The following HGFAC variants were observed in gnomAD, a reference collection of about 807,000 sequenced individuals.
HGFAC encodes the protein HGF activator, also known as hepatocyte growth factor activator serine protease.
In HGFAC, 76 loss-of-function variants were observed where a neutral mutation model predicts 70.6. The ratio of observed to expected loss-of-function variants is 1.08; its 90% CI spans 0.89 to 1.30. The LOEUF (loss-of-function observed/expected upper bound fraction) is 1.30. Ranked by LOEUF, HGFAC falls within the 50% of genes most tolerant of loss-of-function variation. HGFAC has a pLI of 0.00. For missense variants in HGFAC, 1,044 were observed against 933.7 expected (o/e 1.12, Z -1.54); for synonymous variants, 464 against 405.3 (o/e 1.14, Z -1.74).
rs1310058792 is a variant in HGFAC at position 3,443,158 on chromosome 4, C to T, written c.395+12C>T. 5 of 1,504,860 alleles carry T rather than the reference C, an allele frequency of 3.3e-6. No homozygotes were observed. The African/African-American group carries it at 5.6e-5, about 17-fold the overall frequency. 93.2% of individuals were successfully genotyped at this position (1,504,860 alleles called of 1,614,324 possible). A position where few individuals can be genotyped will look rare whatever the true frequency, so the allele number is the denominator to read the frequency against. On this transcript the variant is annotated intron_variant, in intron 3 of 13. Transcript: ENST00000382774. ...GCACACAGGAAGTGGTGGGTCCGGG[C>T]AGCCGGGGCACCCGAGCTGGGGTCA... is the stretch of plus-strand genomic sequence containing the variant.
rs748845985 is a variant in HGFAC, at chr4:3,449,420, C to T, written c.*1C>T. The T allele has an allele frequency of 1.9e-6, 3 of 1,539,160 alleles. No homozygotes were observed. Among genetic ancestry groups the T allele is most frequent in the Non-Finnish European group, 1.8e-6 (2 of 1,140,308 alleles). On this transcript the variant is annotated 3_prime_UTR_variant, in exon 14 of 14. Transcript: ENST00000382774. ...CAGGCGGCTTGTGGCTCCCTCCTGA[C>T]CCTCCAGCGGGACACCCTGGTTCCC... is the stretch of plus-strand genomic sequence containing the variant.
upstream of HGFAC, chr4:3,441,925 T>A (rs1018011968): frequency 1.4e-5 from 11 of 808,028 alleles, no homozygotes; most frequent in African/African-American, 1.8e-4. This position sits in a 1 kb window ranked among gnomAD's most constrained non-coding sequence, Gnocchi z 6.0. Context: ...GTTAATCATT[T>A]CCACGAAGCC....
At position 3,447,904 on chromosome 4, in the gene HGFAC, G is replaced by A. The variant is rs771906305; in HGVS notation, c.1505G>A (p.Arg502Gln). 1.9e-5 allele frequency: 31 copies of A among 1,611,156 alleles called. No individual in the cohort carries two copies. Among genetic ancestry groups the A allele is most frequent in the South Asian group, 5.5e-5 (5 of 90,754 alleles). Residue 502 changes from arginine to glutamine, a missense_variant, in exon 12 of 14, where the codon CGG (arginine) becomes CAG (glutamine). By Grantham distance (43) the Arg-to-Gln change is conservative (BLOSUM62 1). Transcript: ENST00000382774. Reference protein sequence around the residue: ...NPSDHDLVLIRLKKKGDRCAT... With the variant: ...NPSDHDLVLIQLKKKGDRCAT... ...CCACTCTTCTGATCAGTCCTGATCCGGCTGAAGAAGAAAGGGGACCGCTGT... is the reference window on the plus strand; with the variant it reads ...CCACTCTTCTGATCAGTCCTGATCCAGCTGAAGAAGAAAGGGGACCGCTGT...
In HGFAC at chr4:3,444,534, A is replaced by G. The variant is rs1577124686; in HGVS notation, c.731-89A>G. 14 of 1,502,562 alleles carry G rather than the reference A, an allele frequency of 9.3e-6. No homozygotes were observed. The East Asian group carries it at 1.9e-4, about 20-fold the overall frequency. 93.1% of individuals were successfully genotyped at this position (1,502,562 alleles called of 1,614,324 possible). A position where few individuals can be genotyped will look rare whatever the true frequency, so the allele number is the denominator to read the frequency against. ...AGGAATGGCCTGAGGTCACCCAGAAACAAGGGACAAGGGGTGGACCCCGGC... is the reference window on the plus strand; with the variant it reads ...AGGAATGGCCTGAGGTCACCCAGAAGCAAGGGACAAGGGGTGGACCCCGGC... On this transcript the variant is annotated intron_variant, in intron 6 of 13. Transcript: ENST00000382774.
upstream of HGFAC, among the ~76,000 whole-genome samples, chr4:3,441,475 G>A (rs981128193): frequency 4.6e-5 from 7 of 152,172 alleles, no homozygotes; most frequent in Admixed American, 3.9e-4. The surrounding 1 kb of genome is among the most constrained non-coding windows in gnomAD (Gnocchi z 6.0). Flanking sequence ...GCCACCGAGA[G>A]GATGCAGCAC....
At chr4:3,447,851 C>A (rs1290085411) in intron 11 of HGFAC, 44 bp from the exon 12 acceptor site, 1 of 1,595,270 alleles carries the variant, frequency 6.3e-7, no homozygotes, top group Admixed American at 1.7e-5. Context: ...GCCTCCCGTT[C>A]AGCCCGCACA....
intron 8 of HGFAC, 29 bp from the exon 9 acceptor site, chr4:3,445,236 C>T (rs1022688171): frequency 6.5e-7 from 1 of 1,533,690 alleles, no homozygotes; most frequent in African/African-American, 1.4e-5. Flanking sequence ...CAGTGTGACT[C>T]CCTGCCAGCC....
intron 9 of HGFAC, chr4:3,445,748 G>A (rs1276437125): frequency 7.6e-6 from 7 of 915,952 alleles, no homozygotes; most frequent in African/African-American, 1.6e-5. Flanking sequence ...CTCATGTGGG[G>A]GTCTCTGACT....
At position 3,448,138 on chromosome 4, in the gene HGFAC, C is replaced by T. The variant is rs1725589580; in HGVS notation, c.1647C>T (p.Gly549=). The change falls in exon 13 of 14, where the codon GGC becomes GGT. Residue 549 remains glycine, a synonymous_variant. Coordinates refer to ENST00000382774, the MANE Select transcript of HGFAC (RefSeq NM_001528.4). ...CATTGTGTCCCACAGACGTGAGCGGCTACTCCAGCTCCCTGCGGGAGGCCC... is the reference window on the plus strand; with the variant it reads ...CATTGTGTCCCACAGACGTGAGCGGTTACTCCAGCTCCCTGCGGGAGGCCC... The part of the protein sequence containing the change: ...GWGHLDENVS[G]YSSSLREALV... 6.3e-7 allele frequency: 1 copy of T among 1,593,416 alleles called. No homozygotes were observed. Among genetic ancestry groups the T allele is most frequent in the African/African-American group, 1.3e-5 (1 of 74,564 alleles).
chr4:3,444,264 G>C (rs754395468), intron 5 of HGFAC, 47 bp from the exon 6 acceptor site: 5 of 1,567,302 alleles, frequency 3.2e-6, no homozygotes, highest in Middle Eastern at 1.7e-4. Context: ...GGCCCTGCAC[G>C]GGGACAGCAG....
chr4:3,444,094 TA>T lies in HGFAC; in HGVS notation c.532del (p.Thr178ProfsTer69). 1 of 1,612,028 alleles carries T rather than the reference TA, an allele frequency of 6.2e-7. No individual in the cohort carries two copies. Among genetic ancestry groups the T allele is most frequent in the Non-Finnish European group, 8.5e-7 (1 of 1,179,604 alleles). ...GCCTCAATGGAGGCTCCTGCTCCAATACCCAGGACCCCCAGTCCTATCACTG... is the reference window on the plus strand; with the variant it reads ...GCCTCAATGGAGGCTCCTGCTCCAATCCCAGGACCCCCAGTCCTATCACTG... Reference protein sequence around the residue: ...PCLNGGSCSNTQDPQSYHCSC... With the variant: ...PCLNGGSCSNXQDPQSYHCSC... On this transcript the variant is annotated frameshift_variant, in exon 5 of 14. Coordinates refer to ENST00000382774, the MANE Select transcript of HGFAC (RefSeq NM_001528.4). LOFTEE classifies it high-confidence loss of function.
chr4:3,448,994 G>T (rs1454065259), intron 13 of HGFAC, among the ~76,000 whole-genome samples: 1 of 152,180 alleles, frequency 6.6e-6, no homozygotes, highest in Non-Finnish European at 1.5e-5. Context: ...TCCACACAGG[G>T]TTCATGCTGG....
chr4:3,443,301 T>C (rs1033576854), intron 3 of HGFAC, 40 bp from the exon 4 acceptor site: 2 of 1,506,798 alleles, frequency 1.3e-6, no homozygotes, highest in East Asian at 2.5e-5. Flanking sequence ...GTGGGGGGCC[T>C]CTGCCTGGGA....
intron 6 of HGFAC, 81 bp from the exon 7 acceptor site, chr4:3,444,542 C>T: frequency 6.6e-7 from 1 of 1,504,586 alleles, no homozygotes. Context: ...AAACAAGGGA[C>T]AAGGGGTGGA....
intron 3 of HGFAC, 86 bp from the exon 4 acceptor site, chr4:3,443,255 A>G (rs1161006056): frequency 3.1e-6 from 3 of 983,364 alleles, no homozygotes; most frequent in South Asian, 3.1e-5. Context: ...AGGCGGACCC[A>G]GTGAACCCAG....
At chr4:3,441,320 A>T (rs1314372172), upstream of HGFAC, among the ~76,000 whole-genome samples, 1 of 152,112 alleles carries the variant, frequency 6.6e-6, no homozygotes, top group Non-Finnish European at 1.5e-5. The surrounding 1 kb of genome is among the most constrained non-coding windows in gnomAD (Gnocchi z 6.0). Context: ...GACACTCTGA[A>T]CATCACCAGG....
rs1220870213 is a variant in HGFAC, at chr4:3,442,854, TG to T, written c.246del (p.Leu83SerfsTer164). Reference sequence around the variant, plus strand: ...CTCCAGAGGCAGAGGGACCCCAAAGTGGGGGGCTCCCGCCCCCGCCCAGGGC... The same window carrying T: ...CTCCAGAGGCAGAGGGACCCCAAAGTGGGGGCTCCCGCCCCCGCCCAGGGC... ...SAPEAEGPQSGGLPPPPRAVP... is the reference protein window; with the variant it reads ...SAPEAEGPQSXGLPPPPRAVP... On this transcript the variant is annotated frameshift_variant, in exon 2 of 14. Transcript: ENST00000382774. LOFTEE classifies it high-confidence loss of function. 1.3e-6 allele frequency: 2 copies of T among 1,579,164 alleles called. No individual in the cohort carries two copies. The highest frequency in any genetic ancestry group is 1.7e-6 in the Non-Finnish European group (2 of 1,165,860).
chr4:3,444,567 C>A (rs1725430395), intron 6 of HGFAC, 56 bp from the exon 7 acceptor site: 2 of 1,516,860 alleles, frequency 1.3e-6, no homozygotes, highest in East Asian at 4.7e-5. Context: ...GGCCCCGACT[C>A]CGCTGTCGTG....
chr4:3,445,136 G>T, intron 8 of HGFAC, 129 bp from the exon 9 acceptor site: 1 of 1,293,180 alleles, frequency 7.7e-7, no homozygotes, highest in Non-Finnish European at 1.1e-6. Context: ...GGCTGCCCGA[G>T]GGAGGGCCAC....
Sources: allele counts gnomAD v4.1 joint callset (sites outside exome capture counted in the v4.1 genomes callset), GRCh38; gene constraint gnomAD v4.1.1; non-coding constraint Gnocchi (gnomAD v3.1); transcripts MANE v1.5; gene names NCBI Gene and HGNC (gene_info 2026-07-23, HGNC 2026-07-21).